DRC9: variants seen among roughly 807,000 people sequenced by gnomAD.
The protein encoded by DRC9 is dynein regulatory complex protein 9.
the DRC9 span, chr3:197,889,750 T>A: frequency 2.5e-6 from 4 of 1,612,996 alleles, no homozygotes; most frequent in Non-Finnish European, 2.5e-6. Flanking sequence ...CGACGTATGC[T>A]ATGCCTGACA....
chr3:197,889,533 C>A, the DRC9 span: 1 of 1,611,338 alleles, frequency 6.2e-7, no homozygotes, highest in Non-Finnish European at 8.5e-7. Context: ...CTCTCCAAGT[C>A]CTTCCCACCT....
the DRC9 span, among the ~76,000 whole-genome samples, chr3:197,929,689 T>C: frequency 6.6e-6 from 1 of 152,186 alleles, no homozygotes; most frequent in African/African-American, 2.4e-5. The surrounding 1 kb of genome is among the most constrained non-coding windows in gnomAD (Gnocchi z 4.6). Context: ...AAGGATAGCA[T>C]GAGCTCAGGA....
At chr3:197,951,541 CAG>C in the DRC9 span, 2 of 502,832 alleles carry the variant, frequency 4.0e-6, no homozygotes, top group Non-Finnish European at 7.2e-6. Context: ...TTAGTAGAGA[CAG>C]GGTATTGCCA....
the DRC9 span, among the ~76,000 whole-genome samples, chr3:197,894,931 G>T: frequency 1.3e-5 from 2 of 152,034 alleles, no homozygotes; most frequent in African/African-American, 2.4e-5. Flanking sequence ...AGGTGTGGTG[G>T]CGCCTGTGGT....
the DRC9 span, chr3:197,955,867 C>G: frequency 9.3e-7 from 1 of 1,073,562 alleles, no homozygotes; most frequent in African/African-American, 1.6e-5. Context: ...TTGCTACATG[C>G]TTAAAATGAT....
At chr3:197,904,093 T>C in the DRC9 span, among the ~76,000 whole-genome samples, 2,678 of 39,202 alleles carry the variant, frequency 0.068, 86 homozygotes, top group Non-Finnish European at 0.097. Context: ...CATACATATA[T>C]ATATATATAT....
chr3:197,904,071 CATATATAT>C, the DRC9 span, among the ~76,000 whole-genome samples: 44 of 45,964 alleles, frequency 9.6e-4, no homozygotes, highest in African/African-American at 2.2e-3. Flanking sequence ...TATATACATA[CATATATAT>C]ATACATACAT....
At chr3:197,946,362 G>A in the DRC9 span, among the ~76,000 whole-genome samples, 1 of 150,308 alleles carries the variant, frequency 6.7e-6, no homozygotes, top group Non-Finnish European at 1.5e-5. Context: ...GTGAACCTGG[G>A]AGGCAGAGCT....
At chr3:197,899,589 T>C in the DRC9 span, among the ~76,000 whole-genome samples, 1 of 152,018 alleles carries the variant, frequency 6.6e-6, no homozygotes, top group African/African-American at 2.4e-5. Context: ...ATGGTATTGA[T>C]CTTGTGTTTA....
At chr3:197,892,082 G>T in the DRC9 span, among the ~76,000 whole-genome samples, 3 of 152,162 alleles carry the variant, frequency 2.0e-5, no homozygotes, top group Non-Finnish European at 4.4e-5. Context: ...TAGAGATAGG[G>T]TTTTGCCATG....
the DRC9 span, among the ~76,000 whole-genome samples, chr3:197,899,590 CT>C: frequency 6.6e-6 from 1 of 151,920 alleles, no homozygotes; most frequent in Non-Finnish European, 1.5e-5. Flanking sequence ...TGGTATTGAT[CT>C]TGTGTTTACC....
chr3:197,897,937 A>ATTTTTTTT, the DRC9 span, among the ~76,000 whole-genome samples: 2 of 133,078 alleles, frequency 1.5e-5, no homozygotes, highest in Admixed American at 7.5e-5. Flanking sequence ...CGCCCAGCTA[A>ATTTTTTTT]TTTTTTTTTT....
chr3:197,924,405 A>G, the DRC9 span, among the ~76,000 whole-genome samples: 2 of 152,200 alleles, frequency 1.3e-5, no homozygotes, highest in Admixed American at 6.5e-5. Context: ...GAAATATATA[A>G]ATAAAATAGT....
chr3:197,918,914 T>C, the DRC9 span, among the ~76,000 whole-genome samples: 1 of 152,208 alleles, frequency 6.6e-6, no homozygotes, highest in East Asian at 1.9e-4. Flanking sequence ...GTTCAAGCGA[T>C]TCTCCTGCCT....
chr3:197,955,789 A>G, the DRC9 span: 3 of 1,594,462 alleles, frequency 1.9e-6, no homozygotes, highest in Admixed American at 1.7e-5. Context: ...CGAAAAATCA[A>G]TAAATAAATG....
the DRC9 span, among the ~76,000 whole-genome samples, chr3:197,941,155 CCTCCTTCCTCTCT>C: frequency 6.7e-6 from 1 of 150,258 alleles, no homozygotes; most frequent in Admixed American, 6.6e-5. Context: ...TCCCTCCCTC[CCTCCTTCCTCTCT>C]CTCCTCTCTC....
chr3:197,946,162 G>A, the DRC9 span, among the ~76,000 whole-genome samples: 8 of 152,170 alleles, frequency 5.3e-5, no homozygotes, highest in Admixed American at 1.3e-4. Context: ...GGGGCCGGGC[G>A]CGGGGGCTCA....
chr3:197,954,793 C>G, the DRC9 span, among the ~76,000 whole-genome samples: 1 of 152,288 alleles, frequency 6.6e-6, no homozygotes, highest in South Asian at 2.1e-4. Context: ...TATGCTTGAG[C>G]CACCACAGCC....
the DRC9 span, chr3:197,951,087 G>A: frequency 6.2e-7 from 1 of 1,607,426 alleles, no homozygotes; most frequent in South Asian, 1.1e-5. Flanking sequence ...GTAACTTTTG[G>A]GTGGGGGTGA....
Sources: gnomAD v4.1 joint callset for allele counts (sites outside exome capture counted in the v4.1 genomes callset) on GRCh38, gnomAD v4.1.1 for gene constraint, Gnocchi (gnomAD v3.1) non-coding constraint, MANE v1.5 for transcripts, NCBI Gene and HGNC (gene_info 2026-07-23, HGNC 2026-07-21) for gene names.